STEAP1B: variants seen among roughly 807,000 people sequenced by gnomAD.
STEAP1B encodes STEAP family member 1B, also known as STEAP family protein MGC87042.
STEAP1B carries 13 observed loss-of-function variants against 27.9 expected under a neutral mutation model. That is an observed-to-expected ratio of 0.47 (90% CI 0.30 to 0.74). The LOEUF (loss-of-function observed/expected upper bound fraction) is 0.74, where lower values mean the gene tolerates loss of function less well. STEAP1B is among the 30% of genes least tolerant of loss of function. STEAP1B has a pLI of 0.06. For missense variants in STEAP1B, 250 were observed against 298.7 expected (o/e 0.84, Z 1.20); for synonymous variants, 86 against 107.1 (o/e 0.80, Z 1.22).
At chr7:22,454,860 TATA>T (rs1562572887) in intron 4 of STEAP1B, among the ~76,000 whole-genome samples, 12 of 65,354 alleles carry the variant, frequency 1.8e-4, no homozygotes, top group African/African-American at 6.6e-4. Flanking sequence ...TATATATATA[TATA>T]TATTTTTTTT....
chr7:22,470,489 A>G (rs1361407814), intron 4 of STEAP1B, among the ~76,000 whole-genome samples: 1 of 152,192 alleles, frequency 6.6e-6, no homozygotes, highest in Non-Finnish European at 1.5e-5. Context: ...ATAAACCACT[A>G]TTAGAACACC....
At chr7:22,498,871 T>C (rs1453425720) in intron 1 of STEAP1B, among the ~76,000 whole-genome samples, 2 of 152,156 alleles carry the variant, frequency 1.3e-5, no homozygotes, top group African/African-American at 4.8e-5. Context: ...TTTGTCTGCA[T>C]GGTAAGGAGA....
rs182165273 is a variant in STEAP1B at position 22,432,355 on chromosome 7, A to G, written c.763-12519T>C. On this transcript the variant is annotated intron_variant, in intron 4 of 4. Coordinates refer to ENST00000678116, the MANE Select transcript of STEAP1B (RefSeq NM_001382447.1). ...TGAGTTTGAGACCAGCCTTGGCAAC[A>G]TAGAGAAACCCTATACCTAATAAAT... is the stretch of plus-strand genomic sequence containing the variant. 5.3e-3 allele frequency among the ~76,000 whole-genome samples: 804 copies of G among 150,974 alleles called. 8 individuals are homozygous for G. Among genetic ancestry groups the G allele is most frequent in the Non-Finnish European group, 9.2e-3 (628 of 67,926 alleles).
chr7:22,484,779 G>GTGATT (rs1786171681), intron 4 of STEAP1B, among the ~76,000 whole-genome samples: 1 of 152,196 alleles, frequency 6.6e-6, no homozygotes, highest in Non-Finnish European at 1.5e-5. Context: ...AAAAATATTT[G>GTGATT]TGATTTGTGG....
chr7:22,447,644 A>C (rs892495339), intron 4 of STEAP1B, among the ~76,000 whole-genome samples: 1 of 152,190 alleles, frequency 6.6e-6, no homozygotes, highest in African/African-American at 2.4e-5. Flanking sequence ...AATGCTCCAC[A>C]TATTTTTGTT....
intron 4 of STEAP1B, among the ~76,000 whole-genome samples, chr7:22,435,787 G>A (rs1337376284): frequency 6.6e-6 from 1 of 152,200 alleles, no homozygotes; most frequent in Non-Finnish European, 1.5e-5. Context: ...ACCTGGATGG[G>A]CTTCATGGAG....
chr7:22,463,004 G>A (rs1442041089), intron 4 of STEAP1B, among the ~76,000 whole-genome samples: 1 of 114,704 alleles, frequency 8.7e-6, no homozygotes, highest in Non-Finnish European at 2.1e-5. Flanking sequence ...ATTTTTTCAT[G>A]TGTTTTTTGG....
Position 22,493,507 on chromosome 7 carries a change from A to G in STEAP1B, c.414T>C (p.Ile138=), listed in dbSNP as rs1438921044. The G allele has an allele frequency of 3.5e-5, 57 of 1,613,678 alleles. No homozygotes were observed. Among genetic ancestry groups the G allele is most frequent in the Non-Finnish European group, 4.7e-5 (55 of 1,179,764 alleles). ...LVYLPGVIAA[I]VQVHNGTKYK... is the part of the protein sequence containing the mutation. ...ACTTGGTTCCATTATGAACTTGGAC[A>G]ATTGCTGCTATCACACCTGGTAGGT... is the stretch of plus-strand genomic sequence containing the variant. The change falls in exon 3 of 5, where the codon ATT becomes ATC. Residue 138 remains isoleucine, a synonymous_variant. Coordinates refer to ENST00000678116, the MANE Select transcript of STEAP1B (RefSeq NM_001382447.1).
chr7:22,454,862 TA>T lies in STEAP1B; in HGVS notation c.763-35027del, dbSNP rs1484700554. ...ATATATATATATGTATATATATATA[TA>T]TATTTTTTTTTTTTTTTGAGACAGA... On this transcript the variant is annotated intron_variant, in intron 4 of 4. Coordinates refer to ENST00000678116, the MANE Select transcript of STEAP1B (RefSeq NM_001382447.1). 4.0e-3 allele frequency among the ~76,000 whole-genome samples: 232 copies of T among 57,656 alleles called. 1 individual carries two copies. The highest frequency in any genetic ancestry group is 0.015 in the African/African-American group (203 of 13,794). The allele number at this position is 57,656 out of a possible 152,430, so 37.8% of individuals were successfully genotyped here.
chr7:22,493,497 G>C lies in STEAP1B; in HGVS notation c.424C>G (p.His142Asp). Residue 142 changes from histidine to aspartate, a missense_variant, in exon 3 of 5, where the codon CAT becomes GAT. Transcript: ENST00000678116. ...AACTTCTTATACTTGGTTCCATTAT[G>C]AACTTGGACAATTGCTGCTATCACA... ...PGVIAAIVQV[H>D]NGTKYKKFPH... 2 of 1,613,576 alleles carry C rather than the reference G, an allele frequency of 1.2e-6. No individual in the cohort carries two copies. The highest frequency in any genetic ancestry group is 2.7e-5 in the African/African-American group (2 of 74,942).
chr7:22,464,089 T>A (rs895774162), intron 4 of STEAP1B, among the ~76,000 whole-genome samples: 1 of 152,244 alleles, frequency 6.6e-6, no homozygotes, highest in African/African-American at 2.4e-5. Context: ...GAATCTACAA[T>A]GATTGAACTC....
chr7:22,459,614 G>A (rs554346544), intron 4 of STEAP1B, among the ~76,000 whole-genome samples: 2 of 152,162 alleles, frequency 1.3e-5, no homozygotes, highest in African/African-American at 4.8e-5. Context: ...GTTTATGACA[G>A]TTTCCATATC....
intron 4 of STEAP1B, among the ~76,000 whole-genome samples, chr7:22,456,972 A>ATATATTTTTTTTTTTTTT: frequency 1.8e-5 from 1 of 57,042 alleles, no homozygotes; most frequent in Admixed American, 2.0e-4. Flanking sequence ...ATATATATAT[A>ATATATTTTTTTTTTTTTT]TTTTTTTTTT....
Position 22,419,653 on chromosome 7 carries a change from C to T in STEAP1B, c.*151G>A, listed in dbSNP as rs768146465. The T allele has an allele frequency of 8.6e-5, 69 of 803,414 alleles. No individual in the cohort carries two copies. The highest frequency in any genetic ancestry group is 1.2e-4 in the Non-Finnish European group (64 of 541,634). The allele number at this position is 803,414 out of a possible 1,614,324, so 49.8% of individuals were successfully genotyped here. ...TGGGGGATCCACTCATCTGCCCTGC[C>T]GGATCCATGTTGACAGAGCAGCCGT... On this transcript the variant is annotated 3_prime_UTR_variant, in exon 5 of 5. Transcript: ENST00000678116.
chr7:22,492,651 C>T lies in STEAP1B; in HGVS notation c.676G>A (p.Gly226Arg), dbSNP rs1192690744. 1 of 1,613,338 alleles carries T rather than the reference C, an allele frequency of 6.2e-7. No individual in the cohort carries two copies. Among genetic ancestry groups the T allele is most frequent in the South Asian group, 1.1e-5 (1 of 90,980 alleles). The change falls in exon 4 of 5, where the codon GGA becomes AGA. Residue 226 changes from glycine (G) to arginine (R), a missense_variant. By Grantham distance (125) the Gly-to-Arg change is moderately radical. Transcript: ENST00000678116. ...MEIYVSLGIV[G>R]LAILALLAVT... Reference sequence around the variant, plus strand: ...GCCAACAGAGCCAGTATTGCCAGTCCCACAATTCCCAGAGACACATAAATC... The same window carrying T: ...GCCAACAGAGCCAGTATTGCCAGTCTCACAATTCCCAGAGACACATAAATC...
At chr7:22,473,863 C>G (rs1477079592) in intron 4 of STEAP1B, among the ~76,000 whole-genome samples, 1 of 152,092 alleles carries the variant, frequency 6.6e-6, no homozygotes, top group Non-Finnish European at 1.5e-5. Context: ...CAGACAGGAT[C>G]CAGCAGGAAA....
chr7:22,449,713 A>G (rs1785458025), intron 4 of STEAP1B, among the ~76,000 whole-genome samples: 1 of 152,216 alleles, frequency 6.6e-6, no homozygotes, highest in Admixed American at 6.5e-5. Flanking sequence ...TTTTTGAGGA[A>G]TCTCCAAACT....
At chr7:22,498,877 G>A (rs1786487197) in intron 1 of STEAP1B, among the ~76,000 whole-genome samples, 2 of 152,176 alleles carry the variant, frequency 1.3e-5, no homozygotes, top group South Asian at 2.1e-4. Context: ...TGCATGGTAA[G>A]GAGACCACAC....
At chr7:22,427,598 C>G (rs1022211477) in intron 4 of STEAP1B, among the ~76,000 whole-genome samples, 1 of 152,120 alleles carries the variant, frequency 6.6e-6, no homozygotes, top group Non-Finnish European at 1.5e-5. Context: ...AAATCTAAAG[C>G]CGTAAAAGGC....
Sources: allele counts gnomAD v4.1 joint callset (sites outside exome capture counted in the v4.1 genomes callset), GRCh38; gene constraint gnomAD v4.1.1; transcripts MANE v1.5; gene names NCBI Gene and HGNC (gene_info 2026-07-23, HGNC 2026-07-21).